CUX2: variants seen among roughly 807,000 people sequenced by gnomAD.
CUX2 encodes the protein cut like homeobox 2.
A neutral mutation model predicts 144.8 loss-of-function variants in CUX2; 40 were observed. The ratio of observed to expected loss-of-function variants is 0.28; its 90% CI spans 0.21 to 0.36. The LOEUF (loss-of-function observed/expected upper bound fraction) is 0.36, where lower values mean the gene tolerates loss of function less well. Ranked by LOEUF, CUX2 falls within the 10% of genes least tolerant of loss-of-function variation. The probability of loss-of-function intolerance (pLI) is 1.00; values close to 1 mark genes in which losing one functional copy is unlikely to be tolerated. For missense variants in CUX2, 1,615 were observed against 1,994.0 expected, an observed-to-expected ratio of 0.81 and a Z score of 3.62; for synonymous variants, 827 against 875.6, an observed-to-expected ratio of 0.94 and a Z score of 0.98.
intron 1 of CUX2, among the ~76,000 whole-genome samples, chr12:111,048,577 T>C (rs1870111467): frequency 6.6e-6 from 1 of 152,050 alleles, no homozygotes. Context: ...ATAGAGCTGG[T>C]GCAAGGAGGG....
intron 3 of CUX2, among the ~76,000 whole-genome samples, chr12:111,221,257 T>C (rs1369691404): frequency 1.3e-5 from 2 of 152,214 alleles, no homozygotes; most frequent in African/African-American, 4.8e-5. Flanking sequence ...TCGTGATCTA[T>C]TGACTAAGCC....
At chr12:111,203,460 G>A (rs892435466) in intron 1 of CUX2, among the ~76,000 whole-genome samples, 1 of 151,450 alleles carries the variant, frequency 6.6e-6, no homozygotes, top group Non-Finnish European at 1.5e-5. Flanking sequence ...TGGGAGGATC[G>A]CTTGAGCCCA....
At position 111,338,420 on chromosome 12, in the gene CUX2, A is replaced by G; in HGVS notation, c.3331A>G (p.Asn1111Asp). The G allele has an allele frequency of 6.2e-7, 1 of 1,614,086 alleles. No homozygotes were observed. The change falls in exon 20 of 22, where the codon AAT becomes GAT. Residue 1111 changes from asparagine to aspartate, a missense_variant. This residue lies in a region of CUX2 where 131 missense variants were observed against 223.1 expected (regional missense o/e 0.59). Coordinates refer to ENST00000261726, the MANE Select transcript of CUX2 (RefSeq NM_015267.4). ...TTTTGTCCGCATGCAGCTGTGGCTC[A>G]ATGACCCCCATAACGTGGAGAAGCT... is the stretch of plus-strand genomic sequence containing the variant. ...EPFVRMQLWL[N>D]DPHNVEKLRD...
intron 1 of CUX2, among the ~76,000 whole-genome samples, chr12:111,143,457 G>A (rs766547404): frequency 5.3e-5 from 8 of 152,264 alleles, no homozygotes; most frequent in Non-Finnish European, 5.9e-5. Flanking sequence ...CCCCAGAGAC[G>A]GGAGTGCAGA....
At chr12:111,225,167 G>A (rs1882069116) in intron 3 of CUX2, among the ~76,000 whole-genome samples, 1 of 152,216 alleles carries the variant, frequency 6.6e-6, no homozygotes, top group African/African-American at 2.4e-5. Flanking sequence ...TCATAGGAGT[G>A]ATGGGAGTCC....
In CUX2 at chr12:111,255,890, T is replaced by G. The variant is rs77808791; in HGVS notation, c.223-7871T>G. ...AAGAAAAGGGATCTTTCACAGGGACTGTCAGAGTGAGTGGGAACCCTCAGG... is the reference window on the plus strand; with the variant it reads ...AAGAAAAGGGATCTTTCACAGGGACGGTCAGAGTGAGTGGGAACCCTCAGG... On this transcript the variant is annotated intron_variant, in intron 3 of 21. Transcript: ENST00000261726. The surrounding 1 kb of genome is among the most constrained non-coding windows in gnomAD (Gnocchi z 4.1). Among the ~76,000 whole-genome samples, 6,180 of 152,218 alleles carry G rather than the reference T, an allele frequency of 0.041. 410 individuals are homozygous for G. Among genetic ancestry groups the G allele is most frequent in the African/African-American group, 0.14 (5,814 of 41,502 alleles).
At position 111,322,337 on chromosome 12, in the gene CUX2, AAAAAAAAG is replaced by A; in HGVS notation, c.2767-83_2767-76del. 2 of 1,334,032 alleles carry A rather than the reference AAAAAAAAG, an allele frequency of 1.5e-6. No individual in the cohort carries two copies. Among genetic ancestry groups the A allele is most frequent in the Non-Finnish European group, 2.0e-6 (2 of 1,012,252 alleles). 82.6% of individuals were successfully genotyped at this position (1,334,032 alleles called of 1,614,324 possible). On this transcript the variant is annotated intron_variant, in intron 17 of 21. Coordinates refer to ENST00000261726, the MANE Select transcript of CUX2 (RefSeq NM_015267.4). The surrounding 1 kb of genome is among the most constrained non-coding windows in gnomAD (Gnocchi z 4.2). ...ACTCTGCCTCAAAAAAAAAAAAAAA[AAAAAAAAG>A]GTTGGGGAGGAGAGTGAGGGCCAGG...
intron 1 of CUX2, among the ~76,000 whole-genome samples, chr12:111,202,469 C>T (rs1007908700): frequency 1.3e-5 from 2 of 152,212 alleles, no homozygotes; most frequent in Non-Finnish European, 2.9e-5. Flanking sequence ...CCCGCCTGCA[C>T]AGGAGCAGGC....
chr12:111,160,355 G>C lies in CUX2; in HGVS notation c.64-53845G>C, dbSNP rs1047153907. Reference sequence around the variant, plus strand: ...TCTGGCCTGTGTGTGCAGGGTGCGTGTCAGAGTGTGTATGGGCAAGCATGT... The same window carrying C: ...TCTGGCCTGTGTGTGCAGGGTGCGTCTCAGAGTGTGTATGGGCAAGCATGT... On this transcript the variant is annotated intron_variant, in intron 1 of 21. Transcript: ENST00000261726. The surrounding 1 kb of genome is among the most constrained non-coding windows in gnomAD (Gnocchi z 4.1). Among the ~76,000 whole-genome samples, 4 of 152,138 alleles carry C rather than the reference G, an allele frequency of 2.6e-5. No individual in the cohort carries two copies. Among genetic ancestry groups the C allele is most frequent in the Non-Finnish European group, 4.4e-5 (3 of 68,014 alleles).
intron 1 of CUX2, among the ~76,000 whole-genome samples, chr12:111,181,295 G>A (rs1272755715): frequency 2.0e-5 from 3 of 152,220 alleles, no homozygotes; most frequent in African/African-American, 7.2e-5. Context: ...GGCCCCTCTC[G>A]GCTGTGGAGT....
At chr12:111,253,330 T>G (rs1883661471) in intron 3 of CUX2, among the ~76,000 whole-genome samples, 1 of 141,486 alleles carries the variant, frequency 7.1e-6, no homozygotes, top group African/African-American at 2.8e-5. Flanking sequence ...CCCCCTTTCT[T>G]CTTCCCCTTC....
intron 17 of CUX2, among the ~76,000 whole-genome samples, chr12:111,321,570 T>C (rs1411839579): frequency 6.6e-6 from 1 of 151,710 alleles, no homozygotes; most frequent in Non-Finnish European, 1.5e-5. Flanking sequence ...GGTGCACAGC[T>C]ACTCAGGAGG....
intron 18 of CUX2, among the ~76,000 whole-genome samples, chr12:111,329,654 G>C (rs535934089): frequency 2.6e-5 from 4 of 152,048 alleles, no homozygotes; most frequent in Non-Finnish European, 4.4e-5. Flanking sequence ...GTTTGTTTTC[G>C]AGGTGGAGTC....
At chr12:111,253,138 C>T (rs1016645789) in intron 3 of CUX2, among the ~76,000 whole-genome samples, 2 of 152,130 alleles carry the variant, frequency 1.3e-5, no homozygotes, top group African/African-American at 2.4e-5. Flanking sequence ...CCTGTTTCCA[C>T]CCCAGACCCT....
intron 16 of CUX2, among the ~76,000 whole-genome samples, chr12:111,314,965 C>G (rs1238995929): frequency 1.3e-5 from 2 of 152,164 alleles, no homozygotes; most frequent in Non-Finnish European, 2.9e-5. Context: ...CCCCAGGTCT[C>G]TCACCTCTTT....
chr12:111,126,997 GT>G (rs1875125764), intron 1 of CUX2, among the ~76,000 whole-genome samples: 1 of 152,166 alleles, frequency 6.6e-6, no homozygotes, highest in Non-Finnish European at 1.5e-5. Context: ...CTTAAATACT[GT>G]GATGTAAAAT....
At chr12:111,162,196 C>T (rs1398817498) in intron 1 of CUX2, among the ~76,000 whole-genome samples, 1 of 152,256 alleles carries the variant, frequency 6.6e-6, no homozygotes, top group Non-Finnish European at 1.5e-5. Flanking sequence ...AACTCTCTCT[C>T]AGAGGTGAGA....
At chr12:111,337,352 CAAAAAA>C (rs1197695502) in intron 19 of CUX2, among the ~76,000 whole-genome samples, 1 of 111,476 alleles carries the variant, frequency 9.0e-6, no homozygotes, top group African/African-American at 3.2e-5. Context: ...GACCCTGTCT[CAAAAAA>C]AAAAAAAAAA....
chr12:111,079,572 A>G (rs1056524030), intron 1 of CUX2, among the ~76,000 whole-genome samples: 2 of 152,040 alleles, frequency 1.3e-5, no homozygotes, highest in African/African-American at 4.8e-5. Flanking sequence ...AAGTTTGTAG[A>G]CTTAGTGAGA....
Sources: allele counts gnomAD v4.1 joint callset (sites outside exome capture counted in the v4.1 genomes callset), GRCh38; gene constraint gnomAD v4.1.1; regional missense constraint gnomAD v4.1.1; non-coding constraint Gnocchi (gnomAD v3.1); transcripts MANE v1.5; gene names NCBI Gene and HGNC (gene_info 2026-07-23, HGNC 2026-07-21).